Variants in SRSF11 observed in about 807,000 individuals in gnomAD.
The protein encoded by SRSF11 is serine/arginine-rich splicing factor 11.
A neutral mutation model predicts 56.0 loss-of-function variants in SRSF11; 9 were observed. That is an observed-to-expected ratio of 0.16 (90% CI 0.10 to 0.28). The LOEUF (loss-of-function observed/expected upper bound fraction) is 0.28, where lower values mean the gene tolerates loss of function less well. SRSF11 is among the 10% of genes least tolerant of loss of function. The pLI, the probability that SRSF11 is intolerant of heterozygous loss-of-function variation, is 1.00. For synonymous variants in SRSF11, 222 were observed against 215.3 expected, an observed-to-expected ratio of 1.03 and a Z score of -0.27; for missense variants, 421 against 600.7, an observed-to-expected ratio of 0.70 and a Z score of 3.13.
At chr1:70,237,165 G>C (rs928171222) in intron 5 of SRSF11, among the ~76,000 whole-genome samples, 3 of 152,102 alleles carry the variant, frequency 2.0e-5, no homozygotes, top group African/African-American at 7.2e-5. Flanking sequence ...AAATGTGTTT[G>C]TTTATGGAAA....
In SRSF11 at chr1:70,249,898, A is replaced by AT. The variant is rs775436560; in HGVS notation, c.1023-49dup. On this transcript the variant is annotated intron_variant, in intron 9 of 11. Transcript: ENST00000370949. ...TTAGAATCATCTATGATGTGTCTGC[A>AT]TTTTTAAGATCACACTGTATTTTAA... is the stretch of plus-strand genomic sequence containing the variant. 58 of 1,563,572 alleles carry AT rather than the reference A, an allele frequency of 3.7e-5. No individual in the cohort carries two copies. In the Admixed American group the frequency reaches 9.4e-4, roughly 25 times the overall value.
chr1:70,212,204 GT>G (rs531484348), intron 1 of SRSF11, among the ~76,000 whole-genome samples: 4 of 152,158 alleles, frequency 2.6e-5, no homozygotes, highest in South Asian at 2.1e-4. Flanking sequence ...TTATTTGATA[GT>G]TTTTTTGTTC....
chr1:70,213,659 CTTTA>C (rs757023606), intron 1 of SRSF11, among the ~76,000 whole-genome samples: 2 of 152,074 alleles, frequency 1.3e-5, no homozygotes, highest in African/African-American at 2.4e-5. Flanking sequence ...GCCTTAGTTT[CTTTA>C]TTTATAGAAT....
chr1:70,239,541 ATTATACC>A (rs1674855863), intron 7 of SRSF11, 21 bp downstream of exon 7: 1 of 1,512,206 alleles, frequency 6.6e-7, no homozygotes, highest in Admixed American at 2.1e-5. Flanking sequence ...TTTTTAGTCA[ATTATACC>A]TTAGACAAAG....
In SRSF11 at chr1:70,221,645, C is replaced by G. The variant is rs752644257; in HGVS notation, c.9C>G (p.Asn3Lys). The G allele has an allele frequency of 5.6e-6, 9 of 1,610,996 alleles. No homozygotes were observed. Among genetic ancestry groups the G allele is most frequent in the Non-Finnish European group, 7.6e-6 (9 of 1,178,442 alleles). ...AGAACCCGAGCAGCGCCATGAGCAA[C>G]ACTACCGTCGTCCCCAGCACTGCAG... MSNTTVVPSTAGP... is the reference protein window; with the variant it reads MSKTTVVPSTAGP... Residue 3 changes from asparagine to lysine, a missense_variant, in exon 1 of 12, where the codon AAC becomes AAG. This residue lies in a region of SRSF11 where 168 missense variants were observed against 294.9 expected (regional missense o/e 0.57). Coordinates refer to ENST00000370949, the MANE Select transcript of SRSF11 (RefSeq NM_001350605.2).
rs1430642258 is a variant in SRSF11 at position 70,239,458 on chromosome 1, A to G, written c.738A>G (p.Arg246=). ...AIEPDKKEEK[R]RHSRSRSRSR... ...ATATAGATAAGAAAGAAGAAAAAAGAAGGCATTCAAGATCAAGATCACGTT... is the reference window on the plus strand; with the variant it reads ...ATATAGATAAGAAAGAAGAAAAAAGGAGGCATTCAAGATCAAGATCACGTT... Residue 246 remains arginine (R), a synonymous_variant, in exon 7 of 12, where the codon AGA becomes AGG. Coordinates refer to ENST00000370949, the MANE Select transcript of SRSF11 (RefSeq NM_001350605.2). The G allele has an allele frequency of 6.2e-7, 1 of 1,606,820 alleles. No homozygotes were observed. Among genetic ancestry groups the G allele is most frequent in the African/African-American group, 1.3e-5 (1 of 74,232 alleles).
chr1:70,244,249 A>G (rs1676220032), intron 7 of SRSF11, among the ~76,000 whole-genome samples: 1 of 152,224 alleles, frequency 6.6e-6, no homozygotes, highest in Non-Finnish European at 1.5e-5. Context: ...TGTAGTTTAT[A>G]TATAGCGTGA....
chr1:70,209,740 CTT>C (rs923729248), intron 1 of SRSF11, among the ~76,000 whole-genome samples: 1 of 27,474 alleles, frequency 3.6e-5, no homozygotes, highest in African/African-American at 1.5e-4. Flanking sequence ...CACCTCGCTT[CTT>C]TTTTTTTTTT....
At chr1:70,217,324 A>C (rs1383747478), upstream of SRSF11, among the ~76,000 whole-genome samples, 1 of 151,948 alleles carries the variant, frequency 6.6e-6, no homozygotes, top group African/African-American at 2.4e-5. Context: ...ATGCTCGGCT[A>C]ATTTTGTATT....
chr1:70,250,574 G>C, intron 11 of SRSF11, 34 bp from the exon 12 acceptor site: 1 of 1,609,092 alleles, frequency 6.2e-7, no homozygotes, highest in Non-Finnish European at 8.5e-7. Context: ...TTTTTCTTTG[G>C]AGAAGTTTAC....
chr1:70,226,084 G>A (rs1671714554), intron 1 of SRSF11, among the ~76,000 whole-genome samples: 2 of 151,974 alleles, frequency 1.3e-5, no homozygotes, highest in Non-Finnish European at 1.5e-5. Flanking sequence ...CCAGCTACTT[G>A]GGAGGCTGAG....
At position 70,237,427 on chromosome 1, in the gene SRSF11, T is replaced by G; in HGVS notation, c.593T>G (p.Leu198Trp). 6.2e-7 allele frequency: 1 copy of G among 1,612,980 alleles called. No homozygotes were observed. The highest frequency in any genetic ancestry group is 8.5e-7 in the Non-Finnish European group (1 of 1,179,884). Residue 198 changes from leucine to tryptophan, a missense_variant and splice_region_variant, in exon 6 of 12, where the codon TTG (leucine) becomes TGG (tryptophan). By Grantham distance (61) the Leu-to-Trp change is moderately conservative. Transcript: ENST00000370949. ...LKLMSTVDPK[L>W]NHVAAGLVSP... Reference sequence around the variant, plus strand: ...CCCATTTCTTGGTTCTGTTTCAGGTTGAATCATGTAGCTGCTGGTCTCGTT... The same window carrying G: ...CCCATTTCTTGGTTCTGTTTCAGGTGGAATCATGTAGCTGCTGGTCTCGTT...
At chr1:70,231,342 A>T in intron 2 of SRSF11, 1 of 1,091,688 alleles carries the variant, frequency 9.2e-7, no homozygotes, top group Non-Finnish European at 1.1e-6. Flanking sequence ...CCATCTGTAT[A>T]GGGCTTTTGC....
chr1:70,228,987 T>G (rs1213891488), intron 2 of SRSF11: 8 of 982,820 alleles, frequency 8.1e-6, no homozygotes, highest in Non-Finnish European at 9.6e-6. Flanking sequence ...CTTCCTCACA[T>G]TGATAATCTG....
chr1:70,215,886 A>T (rs1669957269), intron 1 of SRSF11, among the ~76,000 whole-genome samples: 2 of 152,264 alleles, frequency 1.3e-5, no homozygotes, highest in African/African-American at 4.8e-5. Context: ...AGGTTCAAGC[A>T]ATTCTTCCTC....
At chr1:70,242,904 C>A (rs1177175003) in intron 7 of SRSF11, among the ~76,000 whole-genome samples, 1 of 151,974 alleles carries the variant, frequency 6.6e-6, no homozygotes, top group Non-Finnish European at 1.5e-5. Flanking sequence ...AGACTTACTT[C>A]CCATGTCTTT....
chr1:70,227,817 T>C (rs1372004827), intron 1 of SRSF11, among the ~76,000 whole-genome samples: 1 of 152,222 alleles, frequency 6.6e-6, no homozygotes, highest in Non-Finnish European at 1.5e-5. Flanking sequence ...AACGTAGTAC[T>C]ACTCCCATGT....
At chr1:70,222,329 C>T (rs1670832930) in intron 1 of SRSF11, among the ~76,000 whole-genome samples, 1 of 152,080 alleles carries the variant, frequency 6.6e-6, no homozygotes, top group Admixed American at 6.5e-5. Context: ...AGATCATATT[C>T]TTTTTGACAG....
chr1:70,213,008 T>C (rs530994618), intron 1 of SRSF11, among the ~76,000 whole-genome samples: 1 of 152,144 alleles, frequency 6.6e-6, no homozygotes, highest in South Asian at 2.1e-4. Context: ...GAGGTTGCTG[T>C]GAACTCTGCA....
Sources: gnomAD v4.1 joint callset for allele counts (sites outside exome capture counted in the v4.1 genomes callset) on GRCh38, gnomAD v4.1.1 for gene constraint, gnomAD v4.1.1 regional missense constraint, MANE v1.5 for transcripts, NCBI Gene and HGNC (gene_info 2026-07-23, HGNC 2026-07-21) for gene names.